Variants in RIN2 observed in about 807,000 individuals in gnomAD.
The protein encoded by RIN2 is Ras and Rab interactor 2.
A neutral mutation model predicts 78.0 loss-of-function variants in RIN2; 36 were observed. The ratio of observed to expected loss-of-function variants is 0.46; its 90% CI spans 0.35 to 0.61. RIN2 has a LOEUF of 0.61. RIN2 is among the 20% of genes least tolerant of loss of function. RIN2 has a pLI of 0.00. For missense variants in RIN2, 1,087 were observed against 1,159.7 expected (o/e 0.94, Z 0.91); for synonymous variants, 466 against 466.8 (o/e 1.00, Z 0.02).
At chr20:19,818,078 C>T (rs2122870427) in intron 2 of RIN2, among the ~76,000 whole-genome samples, 1 of 148,388 alleles carries the variant, frequency 6.7e-6, no homozygotes, top group African/African-American at 2.5e-5. Context: ...TCTCTTGCTT[C>T]TGAGTTACAA....
intron 1 of RIN2, 99 bp downstream of exon 1, chr20:19,758,426 G>T (rs2033470640): frequency 6.6e-6 from 1 of 152,348 alleles, no homozygotes; most frequent in Non-Finnish European, 1.5e-5. Context: ...GGTTCCAGAC[G>T]TGGGTGCTGC....
chr20:19,854,172 C>A (rs1338070599), intron 2 of RIN2, among the ~76,000 whole-genome samples: 1 of 152,126 alleles, frequency 6.6e-6, no homozygotes, highest in African/African-American at 2.4e-5. Flanking sequence ...TCAGGTTTGT[C>A]AAAGATCAGA....
intron 2 of RIN2, among the ~76,000 whole-genome samples, chr20:19,873,193 C>T (rs532542436): frequency 2.0e-5 from 3 of 151,684 alleles, no homozygotes; most frequent in Admixed American, 2.0e-4. Flanking sequence ...GGTGCAATCT[C>T]GGCTCACTGC....
At chr20:19,920,374 A>G (rs1329825589) in intron 3 of RIN2, among the ~76,000 whole-genome samples, 1 of 152,080 alleles carries the variant, frequency 6.6e-6, no homozygotes, top group Non-Finnish European at 1.5e-5. Context: ...CTAAAAATGC[A>G]AAGCCACAGG....
In RIN2 at chr20:19,886,606, CTTCTTCTTTTT is replaced by C; in HGVS notation, c.-36-2957_-36-2947del. 29 of 829,350 alleles carry C rather than the reference CTTCTTCTTTTT, an allele frequency of 3.5e-5. No individual in the cohort carries two copies. The African/African-American group carries it at 5.6e-4, about 16-fold the overall frequency. 51.4% of individuals were successfully genotyped at this position (829,350 alleles called of 1,614,324 possible). ...CTATGAGGGCTGCCTTCTTCTTCTTCTTCTTCTTTTTTTTTTTTTTTTTTTGCTAGCTTTTA... is the reference window on the plus strand; with the variant it reads ...CTATGAGGGCTGCCTTCTTCTTCTTCTTTTTTTTTTTTTTGCTAGCTTTTA... On this transcript the variant is annotated intron_variant, in intron 2 of 12. Transcript: ENST00000255006.
intron 1 of RIN2, among the ~76,000 whole-genome samples, chr20:19,798,669 A>G (rs906681920): frequency 2.0e-5 from 3 of 151,986 alleles, no homozygotes; most frequent in African/African-American, 7.3e-5. Context: ...TGTGCGTGTA[A>G]TAGGATATTG....
intron 1 of RIN2, among the ~76,000 whole-genome samples, chr20:19,759,259 T>A (rs1257290125): frequency 6.6e-6 from 1 of 152,190 alleles, no homozygotes; most frequent in Non-Finnish European, 1.5e-5. Flanking sequence ...CCTGGGGCTT[T>A]CCTAATTCCG....
chr20:19,984,017 T>G (rs2042547314), intron 9 of RIN2, among the ~76,000 whole-genome samples: 1 of 150,696 alleles, frequency 6.6e-6, no homozygotes, highest in African/African-American at 2.5e-5. Flanking sequence ...CTCCTAATGC[T>G]ATCCCTCCCC....
At chr20:19,934,694 A>C in intron 3 of RIN2, 1 of 805,532 alleles carries the variant, frequency 1.2e-6, no homozygotes, top group Non-Finnish European at 1.5e-6. Context: ...TCAGTCCTTC[A>C]AAGGGGGTTC....
At chr20:19,909,010 G>A (rs757200309) in intron 3 of RIN2, among the ~76,000 whole-genome samples, 16 of 151,938 alleles carry the variant, frequency 1.1e-4, no homozygotes, top group African/African-American at 2.9e-4. Context: ...GATTACAGAC[G>A]CCCACCGCCA....
intron 2 of RIN2, among the ~76,000 whole-genome samples, chr20:19,851,619 G>C (rs1600619156): frequency 6.6e-6 from 1 of 151,934 alleles, no homozygotes; most frequent in African/African-American, 2.4e-5. Context: ...GCTACTCAGA[G>C]GCTAAGGTGG....
At chr20:19,999,292 C>T (rs895853187) in intron 12 of RIN2, among the ~76,000 whole-genome samples, 2 of 152,112 alleles carry the variant, frequency 1.3e-5, no homozygotes, top group Admixed American at 6.5e-5. Flanking sequence ...AAAAAAGGTT[C>T]AAAGAGTGTC....
chr20:19,829,611 A>G (rs1281251517), intron 2 of RIN2, among the ~76,000 whole-genome samples: 1 of 152,180 alleles, frequency 6.6e-6, no homozygotes, highest in East Asian at 1.9e-4. Context: ...TTAGATGCAT[A>G]CTAGAGAATC....
chr20:19,932,813 G>T (rs1435234239), intron 3 of RIN2, among the ~76,000 whole-genome samples: 1 of 152,142 alleles, frequency 6.6e-6, no homozygotes, highest in Non-Finnish European at 1.5e-5. Context: ...TTTATTTGAT[G>T]GCTGATAAAC....
intron 1 of RIN2, among the ~76,000 whole-genome samples, chr20:19,770,195 GC>G (rs1177369575): frequency 1.3e-5 from 2 of 152,312 alleles, no homozygotes; most frequent in African/African-American, 4.8e-5. Flanking sequence ...GGATTATGAT[GC>G]TTTTACAAAA....
intron 1 of RIN2, among the ~76,000 whole-genome samples, chr20:19,766,781 C>T (rs1445633009): frequency 6.6e-6 from 1 of 151,812 alleles, no homozygotes; most frequent in African/African-American, 2.4e-5. Context: ...ATTAGCTGGG[C>T]GTTGTGGCAC....
intron 2 of RIN2, among the ~76,000 whole-genome samples, chr20:19,878,120 T>A (rs1384178930): frequency 6.6e-6 from 1 of 152,220 alleles, no homozygotes; most frequent in African/African-American, 2.4e-5. Flanking sequence ...ATATGCACTT[T>A]GTCCTATCCT....
intron 9 of RIN2, among the ~76,000 whole-genome samples, chr20:19,977,137 A>C (rs1271875397): frequency 2.0e-5 from 3 of 152,132 alleles, no homozygotes; most frequent in African/African-American, 7.2e-5. Context: ...TATCTGACTC[A>C]GTATTAACAG....
chr20:19,964,668 GA>G (rs1244188005), intron 6 of RIN2, among the ~76,000 whole-genome samples: 3 of 151,840 alleles, frequency 2.0e-5, no homozygotes, highest in Non-Finnish European at 4.4e-5. Context: ...TTTGTGTTCT[GA>G]AGTTAAAAAA....
Sources: gnomAD v4.1 joint callset for allele counts (sites outside exome capture counted in the v4.1 genomes callset) on GRCh38, gnomAD v4.1.1 for gene constraint, MANE v1.5 for transcripts, NCBI Gene and HGNC (gene_info 2026-07-23, HGNC 2026-07-21) for gene names.